Variants in CTNNA3 observed in about 807,000 individuals in gnomAD.
The protein encoded by CTNNA3 is catenin alpha-3.
In CTNNA3, 76 loss-of-function variants were observed where a neutral mutation model predicts 95.7. The ratio of observed to expected loss-of-function variants is 0.79; its 90% CI spans 0.66 to 0.96. The LOEUF is 0.96. Among genes scored for constraint, CTNNA3 ranks in the 40% least tolerant of loss-of-function variants. CTNNA3 has a pLI of 0.00. For missense variants in CTNNA3, 1,191 were observed against 1,089.8 expected (o/e 1.09, Z -1.31); for synonymous variants, 431 against 374.4 (o/e 1.15, Z -1.74).
chr10:66,289,929 A>G (rs1423421227), intron 12 of CTNNA3, among the ~76,000 whole-genome samples: 1 of 152,056 alleles, frequency 6.6e-6, no homozygotes, highest in Non-Finnish European at 1.5e-5. Flanking sequence ...CCTCTAGCAT[A>G]GTTACTCTCT....
chr10:65,980,754 T>G (rs1417085674), intron 16 of CTNNA3, among the ~76,000 whole-genome samples: 1 of 151,978 alleles, frequency 6.6e-6, no homozygotes, highest in African/African-American at 2.4e-5. Context: ...CATGATCATC[T>G]CAATAGACAC....
chr10:66,852,311 C>T (rs1843527416), intron 7 of CTNNA3, among the ~76,000 whole-genome samples: 1 of 151,994 alleles, frequency 6.6e-6, no homozygotes. Context: ...TTCTCTGACA[C>T]CCCTCATATT....
At chr10:67,357,394 C>T (rs1029975830) in intron 5 of CTNNA3, among the ~76,000 whole-genome samples, 2 of 151,884 alleles carry the variant, frequency 1.3e-5, no homozygotes, top group Non-Finnish European at 2.9e-5. Flanking sequence ...TATCATGATG[C>T]ATATTAATAC....
intron 7 of CTNNA3, among the ~76,000 whole-genome samples, chr10:66,870,947 G>A (rs968921248): frequency 2.0e-5 from 3 of 152,150 alleles, no homozygotes; most frequent in Admixed American, 6.5e-5. Flanking sequence ...AAAAGTTCAA[G>A]GGAAACCAGT....
rs143231105 is a variant in CTNNA3, at chr10:66,433,532, T to G, written c.1532-54180A>C. ...AAATTCATTTAAGTTCTTTATAGAT[T>G]CTGGATATTAGCCCTTTGTCAAATG... On this transcript the variant is annotated intron_variant, in intron 11 of 17. Transcript: ENST00000433211. Among the ~76,000 whole-genome samples, 748 of 152,338 alleles carry G rather than the reference T, an allele frequency of 4.9e-3. 6 individuals carry two copies. The highest frequency in any genetic ancestry group is 0.012 in the African/African-American group (499 of 41,568).
chr10:66,628,758 A>C (rs1191998657), intron 9 of CTNNA3, among the ~76,000 whole-genome samples: 1 of 152,124 alleles, frequency 6.6e-6, no homozygotes, highest in Non-Finnish European at 1.5e-5. Context: ...TCACTGATAG[A>C]TGGAACACTA....
chr10:66,357,296 A>G (rs944528078), intron 12 of CTNNA3, among the ~76,000 whole-genome samples: 2 of 152,126 alleles, frequency 1.3e-5, no homozygotes, highest in African/African-American at 4.8e-5. Flanking sequence ...AGGACATTCA[A>G]TATGTCTCTA....
At chr10:67,478,458 G>A (rs1039539369) in intron 5 of CTNNA3, among the ~76,000 whole-genome samples, 1 of 152,092 alleles carries the variant, frequency 6.6e-6, no homozygotes, top group Admixed American at 6.6e-5. Context: ...TTGTAAGCCA[G>A]GAGAGATTGG....
intron 8 of CTNNA3, among the ~76,000 whole-genome samples, chr10:66,773,820 C>T (rs1225212918): frequency 6.6e-6 from 1 of 152,088 alleles, no homozygotes; most frequent in African/African-American, 2.4e-5. Flanking sequence ...ATCCCCAATG[C>T]TATTTCTATA....
At chr10:66,919,651 A>G (rs1846684756) in intron 7 of CTNNA3, among the ~76,000 whole-genome samples, 1 of 152,192 alleles carries the variant, frequency 6.6e-6, no homozygotes, top group Non-Finnish European at 1.5e-5. Flanking sequence ...TTATTCATTT[A>G]TCTAAGTCAG....
In CTNNA3 at chr10:66,927,972, C is replaced by T; in HGVS notation, c.1048-152448G>A. ...AAGAGCTGCAAGGAGTAAATGTGAT[C>T]GATGCAGTGAAGAACTACAGCATCT... On this transcript the variant is annotated intron_variant, in intron 7 of 17. Transcript: ENST00000433211. This position sits in a 1 kb window ranked among gnomAD's most constrained non-coding sequence, Gnocchi z 4.7. 2 of 1,614,160 alleles carry T rather than the reference C, an allele frequency of 1.2e-6. No homozygotes were observed. The highest frequency in any genetic ancestry group is 1.1e-5 in the South Asian group (1 of 91,082).
At chr10:66,566,932 T>C (rs1194759860) in intron 10 of CTNNA3, among the ~76,000 whole-genome samples, 3 of 121,690 alleles carry the variant, frequency 2.5e-5, no homozygotes, top group Non-Finnish European at 3.4e-5. Flanking sequence ...GGTGGAGAGG[T>C]GGGAGGGAGT....
At chr10:67,414,240 A>C (rs962074123) in intron 5 of CTNNA3, among the ~76,000 whole-genome samples, 2 of 152,044 alleles carry the variant, frequency 1.3e-5, no homozygotes, top group African/African-American at 4.8e-5. Flanking sequence ...ATCAGAAACA[A>C]CACTAATGAT....
At chr10:66,397,782 T>C (rs2092991041) in intron 11 of CTNNA3, among the ~76,000 whole-genome samples, 1 of 151,900 alleles carries the variant, frequency 6.6e-6, no homozygotes, top group Non-Finnish European at 1.5e-5. Flanking sequence ...TTTCCACATG[T>C]GTACATCATT....
chr10:66,514,729 T>G (rs554000556), intron 11 of CTNNA3, among the ~76,000 whole-genome samples: 10 of 152,246 alleles, frequency 6.6e-5, no homozygotes, highest in African/African-American at 2.4e-4. Flanking sequence ...AAGGAATAAA[T>G]AAAAGAAAGG....
chr10:66,901,985 C>T (rs574567711), intron 7 of CTNNA3, among the ~76,000 whole-genome samples: 5 of 152,278 alleles, frequency 3.3e-5, no homozygotes, highest in African/African-American at 1.2e-4. Flanking sequence ...AGAAGGCTAA[C>T]AAGGATATTC....
chr10:67,191,206 C>A (rs527991267), intron 6 of CTNNA3, among the ~76,000 whole-genome samples: 44 of 151,840 alleles, frequency 2.9e-4, no homozygotes, highest in Non-Finnish European at 4.3e-4. Flanking sequence ...ACATATTGTC[C>A]CACTCTCACC....
intron 7 of CTNNA3, among the ~76,000 whole-genome samples, chr10:67,085,774 T>A (rs1235387689): frequency 6.6e-6 from 1 of 152,060 alleles, no homozygotes; most frequent in Non-Finnish European, 1.5e-5. Flanking sequence ...ATTTTCAAAC[T>A]TTTACTAATA....
At chr10:66,284,782 G>T (rs556139763) in intron 12 of CTNNA3, among the ~76,000 whole-genome samples, 6 of 151,938 alleles carry the variant, frequency 3.9e-5, no homozygotes, top group African/African-American at 1.4e-4. Context: ...AAAATTACTG[G>T]TGGTAAAGAA....
Sources: gnomAD v4.1 joint callset for allele counts (sites outside exome capture counted in the v4.1 genomes callset) on GRCh38, gnomAD v4.1.1 for gene constraint, Gnocchi (gnomAD v3.1) non-coding constraint, MANE v1.5 for transcripts, NCBI Gene and HGNC (gene_info 2026-07-23, HGNC 2026-07-21) for gene names.